Variants in RBFOX3 observed in about 807,000 individuals in gnomAD.
The protein encoded by RBFOX3 is RNA binding fox-1 homolog 3.
Under a neutral mutation model 48.7 loss-of-function variants are expected in RBFOX3, and 17 were observed. That is an observed-to-expected ratio of 0.35 (90% CI 0.24 to 0.52). The LOEUF (loss-of-function observed/expected upper bound fraction) is 0.52, where lower values mean the gene tolerates loss of function less well. Ranked by LOEUF, RBFOX3 falls within the 20% of genes least tolerant of loss-of-function variation. The probability of loss-of-function intolerance (pLI) is 0.94; values close to 1 mark genes in which losing one functional copy is unlikely to be tolerated. For missense variants in RBFOX3, 382 were observed against 497.5 expected (o/e 0.77, Z 2.21); for synonymous variants, 212 against 209.5 (o/e 1.01, Z -0.10).
intron 4 of RBFOX3, among the ~76,000 whole-genome samples, chr17:79,117,429 C>T (rs1286094467): frequency 2.0e-5 from 3 of 152,222 alleles, no homozygotes; most frequent in Admixed American, 6.5e-5. Context: ...CCCGGGGCCA[C>T]GCACGCTTTG....
chr17:79,388,135 AATGTGTGTGCAT>A (rs2148107011), intron 2 of RBFOX3, among the ~76,000 whole-genome samples: 1 of 151,942 alleles, frequency 6.6e-6, no homozygotes, highest in Admixed American at 6.5e-5. Context: ...TGTGCATACA[AATGTGTGTGCAT>A]GTGTGTGTGC....
At chr17:79,241,995 A>T (rs2062450350) in intron 3 of RBFOX3, among the ~76,000 whole-genome samples, 1 of 152,232 alleles carries the variant, frequency 6.6e-6, no homozygotes, top group Non-Finnish European at 1.5e-5. Context: ...AGTGACCGAC[A>T]TTTAGTGCAG....
At chr17:79,648,633 C>T in the RBFOX3 span, among the ~76,000 whole-genome samples, 51,361 of 151,938 alleles carry the variant, frequency 0.34, 8,968 homozygotes, top group Middle Eastern at 0.38. Context: ...CCGATGGGGG[C>T]ATGGCAGTAC....
chr17:79,264,821 T>G (rs917298611), intron 3 of RBFOX3, among the ~76,000 whole-genome samples: 1 of 152,122 alleles, frequency 6.6e-6, no homozygotes, highest in Non-Finnish European at 1.5e-5. Flanking sequence ...GACTTCCCCA[T>G]GTTCTGTGCC....
At chr17:79,641,638 C>T in the RBFOX3 span, among the ~76,000 whole-genome samples, 1 of 152,148 alleles carries the variant, frequency 6.6e-6, no homozygotes, top group African/African-American at 2.4e-5. Context: ...GAAGAAAATC[C>T]TGCCATTTGC....
chr17:79,554,305 C>T (rs2091418861), intron 1 of RBFOX3, among the ~76,000 whole-genome samples: 2 of 151,866 alleles, frequency 1.3e-5, no homozygotes, highest in Admixed American at 6.6e-5. Flanking sequence ...TCCTCACTCA[C>T]AGTCACCCCT....
intron 4 of RBFOX3, among the ~76,000 whole-genome samples, chr17:79,224,102 C>T (rs1200172761): frequency 6.6e-6 from 1 of 152,138 alleles, no homozygotes; most frequent in Non-Finnish European, 1.5e-5. Context: ...CAAACAGTAA[C>T]ATATGGTGGT....
chr17:79,228,000 C>T (rs1303995330), intron 4 of RBFOX3, among the ~76,000 whole-genome samples: 6 of 152,198 alleles, frequency 3.9e-5, no homozygotes, highest in Non-Finnish European at 5.9e-5. Flanking sequence ...CTGCGGTCAG[C>T]GTCAATGTAA....
chr17:79,227,965 G>A (rs1295947742), intron 4 of RBFOX3, among the ~76,000 whole-genome samples: 15 of 152,274 alleles, frequency 9.9e-5, no homozygotes, highest in Admixed American at 2.6e-4. Context: ...CTCCCCCTAC[G>A]AATCCTCTGG....
At chr17:79,581,632 A>T (rs1031479127) in intron 1 of RBFOX3, among the ~76,000 whole-genome samples, 208 of 152,328 alleles carry the variant, frequency 1.4e-3, no homozygotes, top group African/African-American at 4.8e-3. Context: ...CCATTATTTG[A>T]TATGCGGGAG....
At chr17:79,383,919 G>A (rs552338250) in intron 2 of RBFOX3, among the ~76,000 whole-genome samples, 7 of 152,284 alleles carry the variant, frequency 4.6e-5, no homozygotes, top group African/African-American at 1.7e-4. Context: ...CCCATATGTG[G>A]CAAGGAATGT....
intron 2 of RBFOX3, among the ~76,000 whole-genome samples, chr17:79,333,132 G>A (rs535371289): frequency 6.6e-6 from 1 of 152,190 alleles, no homozygotes; most frequent in East Asian, 1.9e-4. Flanking sequence ...AGAGACAGAG[G>A]AGGACAGGCC....
chr17:79,221,518 C>T (rs1190905604), intron 4 of RBFOX3, among the ~76,000 whole-genome samples: 2 of 152,224 alleles, frequency 1.3e-5, no homozygotes, highest in Non-Finnish European at 2.9e-5. Context: ...TTGGTGGCCT[C>T]AAGGGCCAGC....
chr17:79,515,764 G>A lies in RBFOX3; in HGVS notation c.-319-33166C>T, dbSNP rs928879113. Among the ~76,000 whole-genome samples, 446 of 152,114 alleles carry A rather than the reference G, an allele frequency of 2.9e-3. 8 individuals carry two copies. In the South Asian group the frequency reaches 0.05, roughly 17 times the overall value. Reference sequence around the variant, plus strand: ...ATGTTAGTGTGGTGGGCAGGCATTCGAGGCTCCCGGCTGAGGTTGCACCGC... The same window carrying A: ...ATGTTAGTGTGGTGGGCAGGCATTCAAGGCTCCCGGCTGAGGTTGCACCGC... On this transcript the variant is annotated intron_variant, in intron 1 of 14. Transcript: ENST00000693108.
At chr17:79,496,131 T>TC (rs1293644155) in intron 1 of RBFOX3, among the ~76,000 whole-genome samples, 1 of 151,352 alleles carries the variant, frequency 6.6e-6, no homozygotes, top group Non-Finnish European at 1.5e-5. Flanking sequence ...GGACTGAGAG[T>TC]CCCCCTCTCG....
intron 2 of RBFOX3, among the ~76,000 whole-genome samples, chr17:79,466,114 C>T (rs1373012122): frequency 3.3e-5 from 5 of 152,230 alleles, no homozygotes; most frequent in Admixed American, 6.5e-5. Flanking sequence ...GTCCCAGACC[C>T]GGCCTCTGCT....
chr17:79,567,855 T>C (rs1449361373), intron 1 of RBFOX3, among the ~76,000 whole-genome samples: 1 of 152,186 alleles, frequency 6.6e-6, no homozygotes, highest in Non-Finnish European at 1.5e-5. Flanking sequence ...GAAAACCCTC[T>C]TTTCTTCCAA....
intron 2 of RBFOX3, among the ~76,000 whole-genome samples, chr17:79,463,249 T>C (rs1432993399): frequency 2.1e-5 from 1 of 48,702 alleles, no homozygotes; most frequent in African/African-American, 8.2e-5. Flanking sequence ...CCATCGCCAC[T>C]GCCACCTCCA....
chr17:79,492,976 T>C (rs1321615589), intron 1 of RBFOX3, among the ~76,000 whole-genome samples: 2 of 152,166 alleles, frequency 1.3e-5, no homozygotes, highest in Non-Finnish European at 2.9e-5. Context: ...TAGGCTGTTC[T>C]TGCATTGCTA....
Sources: allele counts gnomAD v4.1 joint callset (sites outside exome capture counted in the v4.1 genomes callset), GRCh38; gene constraint gnomAD v4.1.1; transcripts MANE v1.5; gene names NCBI Gene and HGNC (gene_info 2026-07-23, HGNC 2026-07-21).